Variants in ROBO1 observed in about 807,000 individuals in gnomAD.
ROBO1 encodes the protein roundabout homolog 1.
Under a neutral mutation model 195.9 loss-of-function variants are expected in ROBO1, and 149 were observed. That is an observed-to-expected ratio of 0.76 (90% CI 0.67 to 0.87). The LOEUF is 0.87. Ranked by LOEUF, ROBO1 falls within the 40% of genes least tolerant of loss-of-function variation. ROBO1 has a pLI of 0.00. For missense variants in ROBO1, 1,933 were observed against 2,068.3 expected (o/e 0.93, Z 1.27); for synonymous variants, 816 against 733.2 (o/e 1.11, Z -1.82).
At chr3:79,000,054 C>T (rs2077462660) in intron 3 of ROBO1, among the ~76,000 whole-genome samples, 1 of 151,964 alleles carries the variant, frequency 6.6e-6, no homozygotes, top group African/African-American at 2.4e-5. Flanking sequence ...TTAATTCGTT[C>T]CCATGCTGCT....
chr3:79,657,117 A>G (rs1946190135), intron 1 of ROBO1, among the ~76,000 whole-genome samples: 4 of 152,134 alleles, frequency 2.6e-5, no homozygotes, highest in African/African-American at 9.7e-5. Flanking sequence ...AAAAATATGA[A>G]GTATTCTCAT....
At chr3:78,658,007 A>G (rs1323539880) in intron 17 of ROBO1, among the ~76,000 whole-genome samples, 1 of 152,202 alleles carries the variant, frequency 6.6e-6, no homozygotes, top group Non-Finnish European at 1.5e-5. Flanking sequence ...CCTTCACAGC[A>G]TACATGAGAA....
chr3:79,322,726 C>T (rs1283146317), intron 2 of ROBO1, among the ~76,000 whole-genome samples: 1 of 152,106 alleles, frequency 6.6e-6, no homozygotes, highest in African/African-American at 2.4e-5. Flanking sequence ...ATATTTTTTT[C>T]TATTCACATC....
At chr3:78,645,860 G>A (rs1336980320) in intron 21 of ROBO1, among the ~76,000 whole-genome samples, 3 of 151,988 alleles carry the variant, frequency 2.0e-5, no homozygotes, top group African/African-American at 7.2e-5. Flanking sequence ...AAATGCCACC[G>A]CTTAGTCACT....
At position 79,234,087 on chromosome 3, in the gene ROBO1, C is replaced by A. The variant is rs144715465; in HGVS notation, c.89-108548G>T. On this transcript the variant is annotated intron_variant, in intron 2 of 30. Coordinates refer to ENST00000464233, the MANE Select transcript of ROBO1 (RefSeq NM_002941.4). ...TTCCTCATAGATTCTGGATATTAGA[C>A]CTTTGTCAGATGCTTAGTTTGCAAT... is the stretch of plus-strand genomic sequence containing the variant. 6.6e-3 allele frequency among the ~76,000 whole-genome samples: 1,000 copies of A among 152,058 alleles called. 6 individuals are homozygous for A. Among genetic ancestry groups the A allele is most frequent in the Non-Finnish European group, 0.01 (684 of 67,982 alleles).
intron 4 of ROBO1, among the ~76,000 whole-genome samples, chr3:78,885,953 AT>A (rs902724462): frequency 2.7e-4 from 39 of 145,660 alleles, no homozygotes; most frequent in East Asian, 1.6e-3. Context: ...ATACATATAT[AT>A]TTTTTTAAGT....
In ROBO1 at chr3:79,511,239, A is replaced by G. The variant is rs1940687766; in HGVS notation, c.88+78585T>C. On this transcript the variant is annotated intron_variant, in intron 2 of 30. Transcript: ENST00000464233. Reference sequence around the variant, plus strand: ...AGAAATTTGGCCTAGTGTGCTGCTCACTTAGAAATAATGGACAATTAAATG... The same window carrying G: ...AGAAATTTGGCCTAGTGTGCTGCTCGCTTAGAAATAATGGACAATTAAATG... Among the ~76,000 whole-genome samples the G allele has an allele frequency of 3.9e-5, 6 of 152,320 alleles. No homozygotes were observed. In the South Asian group the frequency reaches 1.0e-3, roughly 26 times the overall value.
chr3:79,354,518 T>G (rs954794815), intron 2 of ROBO1, among the ~76,000 whole-genome samples: 1 of 152,184 alleles, frequency 6.6e-6, no homozygotes, highest in Non-Finnish European at 1.5e-5. Context: ...GTCAGTGCTA[T>G]AGTCCACATT....
chr3:79,218,302 A>G (rs2082085381), intron 2 of ROBO1, among the ~76,000 whole-genome samples: 1 of 151,988 alleles, frequency 6.6e-6, no homozygotes, highest in Non-Finnish European at 1.5e-5. Flanking sequence ...GCAATATGCT[A>G]GGATTCCCCT....
At chr3:79,197,058 C>T (rs768084707) in intron 2 of ROBO1, among the ~76,000 whole-genome samples, 8 of 151,216 alleles carry the variant, frequency 5.3e-5, no homozygotes, top group South Asian at 2.1e-4. Context: ...TCTTGTTTTT[C>T]GTATTATTAT....
Position 78,954,950 on chromosome 3 carries a change from CT to C in ROBO1, c.173-16024del, listed in dbSNP as rs34852420. ...TTAATCTTACTTTCGTGTTTAAAAACTTTTTTTTTTTTTTTTACTTTTATGT... is the reference window on the plus strand; with the variant it reads ...TTAATCTTACTTTCGTGTTTAAAAACTTTTTTTTTTTTTTTACTTTTATGT... On this transcript the variant is annotated intron_variant, in intron 3 of 30. Coordinates refer to ENST00000464233, the MANE Select transcript of ROBO1 (RefSeq NM_002941.4). Among the ~76,000 whole-genome samples the C allele has an allele frequency of 3.1e-3, 429 of 139,706 alleles. 3 individuals are homozygous for C. Among genetic ancestry groups the C allele is most frequent in the African/African-American group, 9.9e-3 (376 of 38,170 alleles). 91.7% of individuals were successfully genotyped at this position (139,706 alleles called of 152,430 possible).
At chr3:78,645,163 A>G (rs748342206) in intron 21 of ROBO1, among the ~76,000 whole-genome samples, 3 of 152,138 alleles carry the variant, frequency 2.0e-5, no homozygotes, top group Non-Finnish European at 4.4e-5. Flanking sequence ...GAAAGAAAAG[A>G]TTAGTACTTG....
At chr3:78,891,366 C>T (rs1196969617) in intron 4 of ROBO1, among the ~76,000 whole-genome samples, 1 of 151,998 alleles carries the variant, frequency 6.6e-6, no homozygotes, top group African/African-American at 2.4e-5. Flanking sequence ...AAAAATTCAA[C>T]ATCATGAAGC....
chr3:78,629,944 A>T (rs920391407), intron 25 of ROBO1, among the ~76,000 whole-genome samples: 4 of 152,118 alleles, frequency 2.6e-5, no homozygotes, highest in African/African-American at 9.7e-5. Context: ...ATTTAGTGCC[A>T]TGTTTGTCGA....
intron 2 of ROBO1, among the ~76,000 whole-genome samples, chr3:79,193,362 T>C (rs1231244385): frequency 1.3e-5 from 2 of 151,724 alleles, no homozygotes; most frequent in East Asian, 3.9e-4. Flanking sequence ...TATTATCTTA[T>C]TTAATGGTCA....
At chr3:78,926,747 C>CA (rs1348754664) in intron 4 of ROBO1, among the ~76,000 whole-genome samples, 3 of 151,692 alleles carry the variant, frequency 2.0e-5, no homozygotes, top group African/African-American at 7.3e-5. Flanking sequence ...AGTCATAAAG[C>CA]AAAAAACAAA....
At chr3:79,234,637 A>G (rs2082376805) in intron 2 of ROBO1, among the ~76,000 whole-genome samples, 2 of 152,204 alleles carry the variant, frequency 1.3e-5, no homozygotes, top group Non-Finnish European at 1.5e-5. Context: ...AATACTATGC[A>G]GCCATAAAAA....
At chr3:79,449,662 GT>G (rs555412380) in intron 2 of ROBO1, among the ~76,000 whole-genome samples, 10 of 151,922 alleles carry the variant, frequency 6.6e-5, no homozygotes, top group African/African-American at 2.2e-4. Context: ...AAATATTTGA[GT>G]TTTTTTTCTG....
At chr3:78,922,519 CCTT>C (rs1349962428) in intron 4 of ROBO1, among the ~76,000 whole-genome samples, 2 of 151,990 alleles carry the variant, frequency 1.3e-5, no homozygotes, top group African/African-American at 2.4e-5. Context: ...CTGTCTTTCT[CCTT>C]CTCCCTCTTC....
Sources: allele counts gnomAD v4.1 joint callset (sites outside exome capture counted in the v4.1 genomes callset), GRCh38; gene constraint gnomAD v4.1.1; transcripts MANE v1.5; gene names NCBI Gene and HGNC (gene_info 2026-07-23, HGNC 2026-07-21).